Variants in CEP290 observed in about 807,000 individuals in gnomAD.
CEP290 encodes the protein centrosomal protein of 290 kDa.
A neutral mutation model predicts 344.9 loss-of-function variants in CEP290; 317 were observed. The ratio of observed to expected loss-of-function variants is 0.92; its 90% CI spans 0.84 to 1.01. The LOEUF is 1.01. CEP290 is among the 50% of genes least tolerant of loss of function. The probability of loss-of-function intolerance (pLI) is 0.00; values close to 1 mark genes in which losing one functional copy is unlikely to be tolerated. For synonymous variants in CEP290, 932 were observed against 895.8 expected, an observed-to-expected ratio of 1.04 and a Z score of -0.72; for missense variants, 2,754 against 2,761.4, an observed-to-expected ratio of 1.00 and a Z score of 0.06.
intron 26 of CEP290, among the ~76,000 whole-genome samples, chr12:88,099,392 A>T (rs939871193): frequency 2.0e-5 from 3 of 152,226 alleles, no homozygotes; most frequent in Admixed American, 6.5e-5. Flanking sequence ...GTAATTCTGT[A>T]CAACAGAATA....
intron 20 of CEP290, among the ~76,000 whole-genome samples, chr12:88,112,229 A>C (rs1183038388): frequency 6.6e-6 from 1 of 152,134 alleles, no homozygotes; most frequent in African/African-American, 2.4e-5. Flanking sequence ...AAAGGGGAAA[A>C]CAATGTGAGC....
chr12:88,130,881 A>G (rs939081505), intron 7 of CEP290, among the ~76,000 whole-genome samples: 43 of 152,156 alleles, frequency 2.8e-4, no homozygotes, highest in Admixed American at 1.8e-3. Flanking sequence ...AAATAAGAAT[A>G]GAAATCCAGT....
chr12:88,112,337 T>C (rs1369902655), intron 20 of CEP290, among the ~76,000 whole-genome samples: 1 of 152,132 alleles, frequency 6.6e-6, no homozygotes, highest in Non-Finnish European at 1.5e-5. Flanking sequence ...AGGAATGGAA[T>C]ACAATATTGA....
intron 41 of CEP290, among the ~76,000 whole-genome samples, chr12:88,074,446 CTGAAAGAACAA>C (rs1432605722): frequency 6.6e-6 from 1 of 152,116 alleles, no homozygotes; most frequent in Non-Finnish European, 1.5e-5. Context: ...GGAACCAAGA[CTGAAAGAACAA>C]TTGAAAAACA....
At position 88,049,311 on chromosome 12, in the gene CEP290, T is replaced by G. The variant is rs1385166850; in HGVS notation, c.7313A>C (p.Asn2438Thr). The change falls in exon 54 of 54, where the codon AAT becomes ACT. Residue 2438 changes from asparagine (N) to threonine (T), a missense_variant. Transcript: ENST00000552810. Reference protein sequence around the residue: ...KYNYKEEVKKNILLEEKVKKL... With the variant: ...KYNYKEEVKKTILLEEKVKKL... ...TTTTACCTTCTCTTCTAAGAGAATATTCTTCTTCACTTCTTCCTTGTAATT... is the reference window on the plus strand; with the variant it reads ...TTTTACCTTCTCTTCTAAGAGAATAGTCTTCTTCACTTCTTCCTTGTAATT... The G allele has an allele frequency of 6.3e-7, 1 of 1,594,186 alleles. No homozygotes were observed. Among genetic ancestry groups the G allele is most frequent in the African/African-American group, 1.3e-5 (1 of 74,632 alleles).
At chr12:88,073,841 T>C (rs2035563869) in intron 41 of CEP290, among the ~76,000 whole-genome samples, 1 of 152,218 alleles carries the variant, frequency 6.6e-6, no homozygotes, top group African/African-American at 2.4e-5. Context: ...CTTTCTCGAA[T>C]ACTAGAGAAC....
chr12:88,130,382 T>C lies in CEP290; in HGVS notation c.555A>G (p.Lys185=), dbSNP rs2138097181. 6.2e-7 allele frequency: 1 copy of C among 1,610,434 alleles called. No individual in the cohort carries two copies. Among genetic ancestry groups the C allele is most frequent in the Non-Finnish European group, 8.5e-7 (1 of 1,178,692 alleles). The change falls in exon 9 of 54, where the codon AAA becomes AAG. Residue 185 remains lysine, a synonymous_variant. Coordinates refer to ENST00000552810, the MANE Select transcript of CEP290 (RefSeq NM_025114.4). ...QLCQDIIDYQ[K]QIDSQKETLL... ...GTGTTTCTTTCTGTGAATCTATTTG[T>C]TTCTGGTAGTCAATAATATCCTGAC... is the stretch of plus-strand genomic sequence containing the variant.
At position 88,049,136 on chromosome 12, in the gene CEP290, T is replaced by G. The variant is rs750461507; in HGVS notation, c.*48A>C. On this transcript the variant is annotated 3_prime_UTR_variant, in exon 54 of 54. Coordinates refer to ENST00000552810, the MANE Select transcript of CEP290 (RefSeq NM_025114.4). ...CTGCTTATTTCCAAGTATATTTAAC[T>G]TATAAAGTTAATAAATAGTTAAATG... is the stretch of plus-strand genomic sequence containing the variant. 12 of 1,147,960 alleles carry G rather than the reference T, an allele frequency of 1.0e-5. No individual in the cohort carries two copies. In the East Asian group the frequency reaches 2.4e-4, roughly 23 times the overall value. 71.1% of individuals were successfully genotyped at this position (1,147,960 alleles called of 1,614,324 possible).
At chr12:88,126,289 A>G in intron 12 of CEP290, 27 bp downstream of exon 12, 1 of 1,429,324 alleles carries the variant, frequency 7.0e-7, no homozygotes, top group South Asian at 1.6e-5. Context: ...AAACTGGTTG[A>G]TAAACAAAAT....
chr12:88,106,623 C>T (rs1335300932), intron 25 of CEP290, 52 bp downstream of exon 25: 6 of 1,180,412 alleles, frequency 5.1e-6, no homozygotes, highest in African/African-American at 3.1e-5. Context: ...CTATCTTCTG[C>T]ATATTTGAAA....
At chr12:88,091,305 T>C (rs768776757) in intron 29 of CEP290, among the ~76,000 whole-genome samples, 27 of 151,982 alleles carry the variant, frequency 1.8e-4, no homozygotes, top group Non-Finnish European at 2.2e-4. Context: ...GTAAAATTTC[T>C]AGGATCCTTA....
In CEP290 at chr12:88,128,942, A is replaced by T; in HGVS notation, c.942+4T>A. The T allele has an allele frequency of 1.3e-6, 2 of 1,494,674 alleles. No individual in the cohort carries two copies. The highest frequency in any genetic ancestry group is 2.7e-5 in the Admixed American group (1 of 36,992). The allele number at this position is 1,494,674 out of a possible 1,614,324, so 92.6% of individuals were successfully genotyped here. On this transcript the variant is annotated splice_donor_region_variant and intron_variant, in intron 11 of 53. Transcript: ENST00000552810. ...AAGTTATTATGTCAATTGAAAAAAA[A>T]TACCTTCCATTCTTCTACTTTTGCA...
chr12:88,130,049 C>T (rs1335799774), intron 9 of CEP290, among the ~76,000 whole-genome samples, 173 bp from the exon 10 acceptor site: 1 of 151,900 alleles, frequency 6.6e-6, no homozygotes, highest in Non-Finnish European at 1.5e-5. Context: ...GAAAATAGTA[C>T]ATAAGGACCT....
chr12:88,071,546 C>T (rs760686724), intron 42 of CEP290, 97 bp from the exon 43 acceptor site: 196 of 1,045,816 alleles, frequency 1.9e-4, no homozygotes, highest in Non-Finnish European at 1.8e-4. Context: ...AATTGTAACA[C>T]CCTATATTTG....
intron 27 of CEP290, among the ~76,000 whole-genome samples, chr12:88,094,369 T>A (rs1415583344): frequency 6.6e-6 from 1 of 152,130 alleles, no homozygotes; most frequent in Non-Finnish European, 1.5e-5. Flanking sequence ...TTTGTGAATA[T>A]AAGTGCAATG....
At chr12:88,079,009 C>A in intron 39 of CEP290, 83 bp downstream of exon 39, 1 of 1,253,248 alleles carries the variant, frequency 8.0e-7, no homozygotes, top group South Asian at 1.9e-5. Context: ...TATTCATCAA[C>A]AAAATTACTA....
intron 26 of CEP290, among the ~76,000 whole-genome samples, chr12:88,098,806 T>A (rs930778699): frequency 6.6e-6 from 1 of 152,092 alleles, no homozygotes; most frequent in Non-Finnish European, 1.5e-5. Context: ...TTTGGAATAC[T>A]ATAAGATCTG....
Position 88,089,097 on chromosome 12 carries a change from C to G in CEP290, c.3964G>C (p.Glu1322Gln). The change falls in exon 31 of 54, where the codon GAA (glutamate) becomes CAA (glutamine). Residue 1322 changes from glutamate (E) to glutamine (Q), a missense_variant. Glu to Gln is a conservative substitution (Grantham distance 29). Transcript: ENST00000552810. ...RNMENKTLEM[E>Q]LKLKGLEELI... ...TCTTCCAGGCCCTTTAATTTTAATT[C>G]CATCTCCAATGTTTTGTTCTCCATA... The G allele has an allele frequency of 6.5e-7, 1 of 1,546,720 alleles. No homozygotes were observed. Among genetic ancestry groups the G allele is most frequent in the Non-Finnish European group, 8.7e-7 (1 of 1,151,066 alleles).
chr12:88,091,810 T>A (rs2137323647), intron 29 of CEP290, among the ~76,000 whole-genome samples: 1 of 152,286 alleles, frequency 6.6e-6, no homozygotes, highest in South Asian at 2.1e-4. Flanking sequence ...GCTTGACAGA[T>A]TAACTAAGTG....
Sources: allele counts gnomAD v4.1 joint callset (sites outside exome capture counted in the v4.1 genomes callset), GRCh38; gene constraint gnomAD v4.1.1; transcripts MANE v1.5; gene names NCBI Gene and HGNC (gene_info 2026-07-23, HGNC 2026-07-21).